The following RTL4 variants were observed in gnomAD, a reference collection of about 807,000 sequenced individuals.
RTL4 encodes the protein retrotransposon Gag like 4.
RTL4 carries 4 observed loss-of-function variants against 5.3 expected under a neutral mutation model. That is an observed-to-expected ratio of 0.75 (90% confidence interval 0.37 to 1.72). The LOEUF is 1.72. Among genes scored for constraint, RTL4 ranks in the 40% most tolerant of loss-of-function variants. The pLI is 0.04. For synonymous variants in RTL4, 98 were observed against 87.3 expected, an observed-to-expected ratio of 1.12 and a Z score of -0.68; for missense variants, 260 against 227.1, an observed-to-expected ratio of 1.14 and a Z score of -0.93.
the RTL4 span, among the ~76,000 whole-genome samples, chrX:112,162,506 C>T: frequency 9.0e-6 from 1 of 111,364 alleles, no homozygotes; most frequent in Non-Finnish European, 1.9e-5. Context: ...ACTGTTATGA[C>T]AGGGTTTGGT....
At chrX:112,285,969 A>G in the RTL4 span, among the ~76,000 whole-genome samples, 1 of 111,759 alleles carries the variant, frequency 8.9e-6, no homozygotes, top group Non-Finnish European at 1.9e-5. Flanking sequence ...TCTACATTTT[A>G]TTGGTGGGGA....
At chrX:112,087,364 G>A in the RTL4 span, among the ~76,000 whole-genome samples, 20 of 104,999 alleles carry the variant, frequency 1.9e-4, no homozygotes, top group Non-Finnish European at 1.7e-4. Context: ...GTGGGGAAAA[G>A]GGCTCTATCT....
the RTL4 span, among the ~76,000 whole-genome samples, chrX:112,254,644 A>G: frequency 1.9e-5 from 2 of 105,973 alleles, no homozygotes; most frequent in Admixed American, 1.0e-4. Context: ...TTTTACTTTC[A>G]TTCAACAAAC....
chrX:112,181,595 C>T, the RTL4 span, among the ~76,000 whole-genome samples: 1 of 111,898 alleles, frequency 8.9e-6, no homozygotes, highest in Admixed American at 9.4e-5. Flanking sequence ...CCCACTGCAG[C>T]ACAGCAAAGC....
At chrX:112,157,830 C>A in the RTL4 span, among the ~76,000 whole-genome samples, 1 of 112,032 alleles carries the variant, frequency 8.9e-6, no homozygotes, top group African/African-American at 3.2e-5. Flanking sequence ...TGATCTGAAG[C>A]CTTGACCTTG....
the RTL4 span, among the ~76,000 whole-genome samples, chrX:112,283,411 T>C: frequency 9.0e-6 from 1 of 111,282 alleles, no homozygotes; most frequent in Non-Finnish European, 1.9e-5. Context: ...GATCAAGAAA[T>C]CTCAGAGAGA....
chrX:112,341,595 A>G, the RTL4 span, among the ~76,000 whole-genome samples: 1 of 111,817 alleles, frequency 8.9e-6, no homozygotes, highest in Non-Finnish European at 1.9e-5. Context: ...TATAGATACA[A>G]CCTATATTCT....
chrX:112,443,466 T>C, the RTL4 span, among the ~76,000 whole-genome samples: 5 of 111,747 alleles, frequency 4.5e-5, no homozygotes, highest in African/African-American at 1.3e-4. Context: ...GTGAGATTGC[T>C]GAATCATATG....
the RTL4 span, among the ~76,000 whole-genome samples, chrX:112,438,647 T>C: frequency 8.9e-6 from 1 of 112,509 alleles, no homozygotes; most frequent in South Asian, 3.7e-4. Flanking sequence ...GTACTCCCTA[T>C]ACCTCAGATC....
chrX:112,129,005 A>G, the RTL4 span, among the ~76,000 whole-genome samples: 30 of 111,558 alleles, frequency 2.7e-4, no homozygotes, highest in African/African-American at 9.7e-4. Context: ...AGGGCAAACA[A>G]TCCACTTAAA....
chrX:112,165,642 A>C, the RTL4 span, among the ~76,000 whole-genome samples: 231 of 111,567 alleles, frequency 2.1e-3, 1 homozygote, highest in African/African-American at 7.2e-3. Context: ...TTTGACTCTA[A>C]TATATTCCCT....
chrX:112,325,150 G>C, the RTL4 span, among the ~76,000 whole-genome samples: 2 of 111,299 alleles, frequency 1.8e-5, no homozygotes, highest in Admixed American at 9.6e-5. Context: ...AAATAAAAGA[G>C]GACACAAACA....
chrX:112,361,403 G>A, the RTL4 span, among the ~76,000 whole-genome samples: 2 of 110,981 alleles, frequency 1.8e-5, no homozygotes, highest in African/African-American at 3.3e-5. Context: ...TCTTACCCAC[G>A]GGGATAGATA....
the RTL4 span, chrX:112,320,136 A>G: frequency 1.8e-5 from 2 of 111,782 alleles, no homozygotes; most frequent in Admixed American, 1.9e-4. Context: ...GGGATATAGA[A>G]TAGTCATCAT....
chrX:112,344,276 A>T, the RTL4 span, among the ~76,000 whole-genome samples: 1 of 111,956 alleles, frequency 8.9e-6, no homozygotes, highest in African/African-American at 3.2e-5. Flanking sequence ...CAGAGGATTT[A>T]CAAGAGTTAA....
the RTL4 span, among the ~76,000 whole-genome samples, chrX:112,180,329 T>C: frequency 9.0e-6 from 1 of 111,648 alleles, no homozygotes; most frequent in African/African-American, 3.2e-5. Context: ...CTTAGCATGG[T>C]ACCTGATACA....
the RTL4 span, among the ~76,000 whole-genome samples, chrX:112,331,654 C>G: frequency 1.0e-4 from 11 of 107,297 alleles, no homozygotes; most frequent in East Asian, 3.2e-3. Context: ...CATGCCATTA[C>G]TGGGTATATA....
At chrX:112,333,808 T>G in the RTL4 span, among the ~76,000 whole-genome samples, 1 of 111,764 alleles carries the variant, frequency 8.9e-6, no homozygotes, top group Non-Finnish European at 1.9e-5. Flanking sequence ...ACAATTTAAT[T>G]ACACTCTTTA....
chrX:112,455,540 G>T lies in RTL4; in HGVS notation c.812G>T (p.Arg271Leu), dbSNP rs759522886. 8 of 1,211,240 alleles carry T rather than the reference G, an allele frequency of 6.6e-6. No individual in the cohort carries two copies. The South Asian group carries it at 1.1e-4, about 16-fold the overall frequency. ...CAGCTGCCTCTCACCCCAGCCAAAC[G>T]AGCCCGCCAGCAAGAAACTCAGTTG... is the stretch of plus-strand genomic sequence containing the variant. The change falls in exon 1 of 1, where the codon CGA (arginine) becomes CTA (leucine). Residue 271 changes from arginine (R) to leucine (L), a missense_variant. By Grantham distance (102) the Arg-to-Leu change is moderately radical (BLOSUM62 -2). Coordinates refer to ENST00000340433, the Ensembl canonical transcript of RTL4.
Sources: allele counts gnomAD v4.1 joint callset (sites outside exome capture counted in the v4.1 genomes callset), GRCh38; gene constraint gnomAD v4.1.1; transcripts MANE v1.5; gene names NCBI Gene and HGNC (gene_info 2026-07-23, HGNC 2026-07-21).